UBE2J1: variants seen among roughly 807,000 people sequenced by gnomAD.
UBE2J1 encodes the protein ubiquitin conjugating enzyme E2 J1.
In UBE2J1, 17 loss-of-function variants were observed where a neutral mutation model predicts 42.1. The ratio of observed to expected loss-of-function variants is 0.40; its 90% CI spans 0.28 to 0.61. UBE2J1 has a LOEUF of 0.61. Ranked by LOEUF, UBE2J1 falls within the 20% of genes least tolerant of loss-of-function variation. UBE2J1 has a pLI of 0.38. For missense variants in UBE2J1, 291 were observed against 389.4 expected (o/e 0.75, Z 2.13); for synonymous variants, 127 against 137.2 (o/e 0.93, Z 0.52).
At chr6:89,344,749 C>T (rs553446445) in intron 1 of UBE2J1, among the ~76,000 whole-genome samples, 1 of 152,310 alleles carries the variant, frequency 6.6e-6, no homozygotes, top group South Asian at 2.1e-4. Flanking sequence ...GATTATTTCC[C>T]ACCTAGTCTA....
chr6:89,342,120 T>C (rs1768256562), intron 3 of UBE2J1, among the ~76,000 whole-genome samples: 1 of 152,222 alleles, frequency 6.6e-6, no homozygotes, highest in Admixed American at 6.5e-5. Context: ...CATTTATGCA[T>C]TCAGTTGTAT....
At chr6:89,343,325 T>C (rs1285724946) in intron 2 of UBE2J1, among the ~76,000 whole-genome samples, 2 of 150,976 alleles carry the variant, frequency 1.3e-5, no homozygotes, top group Admixed American at 6.6e-5. Flanking sequence ...ATCCCAGCTA[T>C]TCAGGAGGCT....
intron 7 of UBE2J1, among the ~76,000 whole-genome samples, chr6:89,331,601 A>G (rs755335334): frequency 7.2e-5 from 11 of 152,228 alleles, no homozygotes; most frequent in Non-Finnish European, 8.8e-5. Context: ...AGAAGCGGAA[A>G]GAGACCCCTG....
At chr6:89,333,981 C>T (rs76850332) in intron 6 of UBE2J1, among the ~76,000 whole-genome samples, 2,644 of 152,088 alleles carry the variant, frequency 0.017, 84 homozygotes, top group African/African-American at 0.061. Flanking sequence ...TAATACTTTA[C>T]GTCTGTATGT....
intron 1 of UBE2J1, among the ~76,000 whole-genome samples, chr6:89,348,353 C>G (rs1768401667): frequency 6.6e-6 from 1 of 152,228 alleles, no homozygotes; most frequent in Admixed American, 6.5e-5. Flanking sequence ...GGCTAGCTCA[C>G]TAGCCTCACA....
In UBE2J1 at chr6:89,327,365, G is replaced by A. The variant is rs542857048; in HGVS notation, c.*2314C>T. On this transcript the variant is annotated 3_prime_UTR_variant, in exon 8 of 8. Coordinates refer to ENST00000435041, the MANE Select transcript of UBE2J1 (RefSeq NM_016021.3). The stretch of plus-strand genomic sequence containing the variant: ...TGTATGCTGGAATTAAGGAGTTAAA[G>A]TAGGGCTTTAAAGATAATAGTTTTC... The A allele has an allele frequency of 9.2e-5, 14 of 152,266 alleles. No homozygotes were observed. The highest frequency in any genetic ancestry group is 1.6e-4 in the Non-Finnish European group (11 of 68,006). 9.4% of individuals were successfully genotyped at this position (152,266 alleles called of 1,614,324 possible).
intron 3 of UBE2J1, 61 bp from the exon 4 acceptor site, chr6:89,338,604 G>A (rs1768156635): frequency 1.2e-5 from 7 of 588,788 alleles, no homozygotes; most frequent in Non-Finnish European, 1.7e-5. Flanking sequence ...TATACTTTCT[G>A]TAAAAATATA....
At chr6:89,340,422 A>G (rs1334873889) in intron 3 of UBE2J1, among the ~76,000 whole-genome samples, 1 of 152,132 alleles carries the variant, frequency 6.6e-6, no homozygotes, top group East Asian at 1.9e-4. Flanking sequence ...AGCTCTCCCC[A>G]TGATCTAGCA....
intron 2 of UBE2J1, among the ~76,000 whole-genome samples, chr6:89,342,712 T>C (rs1768271891): frequency 6.6e-6 from 1 of 152,194 alleles, no homozygotes; most frequent in South Asian, 2.1e-4. Context: ...TGAGTGTTGT[T>C]ATATATTCAT....
intron 5 of UBE2J1, among the ~76,000 whole-genome samples, chr6:89,336,048 A>T (rs1768101352): frequency 6.6e-6 from 1 of 152,214 alleles, no homozygotes; most frequent in Non-Finnish European, 1.5e-5. Flanking sequence ...TTCCAGATAT[A>T]GTCAAAACTT....
Position 89,329,788 on chromosome 6 carries a change from T to A in UBE2J1, c.848A>T (p.Asp283Val), listed in dbSNP as rs1482390343. 1 of 1,614,120 alleles carries A rather than the reference T, an allele frequency of 6.2e-7. No homozygotes were observed. The highest frequency in any genetic ancestry group is 8.5e-7 in the Non-Finnish European group (1 of 1,180,006). Residue 283 changes from aspartate (D) to valine (V), a missense_variant, in exon 8 of 8, where the codon GAT becomes GTT. Physicochemically the swap from Asp to Val is radical, Grantham distance 152. This residue lies in a region of UBE2J1 where 176 missense variants were observed against 196.3 expected (regional missense o/e 0.90). Coordinates refer to ENST00000435041, the MANE Select transcript of UBE2J1 (RefSeq NM_016021.3). ...QGHQPRDNHTDHGGSAVLIVI... is the reference protein window; with the variant it reads ...QGHQPRDNHTVHGGSAVLIVI... Reference sequence around the variant, plus strand: ...AATCAGTACAGCTGACCCACCATGATCAGTGTGGTTGTCTCTTGGCTGGTG... The same window carrying A: ...AATCAGTACAGCTGACCCACCATGAACAGTGTGGTTGTCTCTTGGCTGGTG...
rs532784187 is a variant in UBE2J1 at position 89,331,537 on chromosome 6, C to T, written c.678+1549G>A. ...TTCATTCATTCAATCAACAAACAAA[C>T]ATTGGCAATCTACTATATAGAAGGC... On this transcript the variant is annotated intron_variant, in intron 7 of 7. Coordinates refer to ENST00000435041, the MANE Select transcript of UBE2J1 (RefSeq NM_016021.3). 3.2e-4 allele frequency among the ~76,000 whole-genome samples: 48 copies of T among 152,284 alleles called. 1 individual carries two copies. The highest frequency in any genetic ancestry group is 1.2e-3 in the Admixed American group (18 of 15,290).
In UBE2J1 at chr6:89,351,243, G is replaced by T. The variant is rs559871448; in HGVS notation, c.31+1296C>A. ...ACAGGAGTGCGCCACCACCATGCCC[G>T]GCTGATTTTTGTGTTTTTAGTAGAG... On this transcript the variant is annotated intron_variant, in intron 1 of 7. Coordinates refer to ENST00000435041, the MANE Select transcript of UBE2J1 (RefSeq NM_016021.3). Among the ~76,000 whole-genome samples the T allele has an allele frequency of 2.6e-5, 4 of 151,574 alleles. No homozygotes were observed. In the East Asian group the frequency reaches 7.8e-4, roughly 29 times the overall value.
At chr6:89,337,226 CTTTT>C (rs202105618) in intron 5 of UBE2J1, among the ~76,000 whole-genome samples, 10 of 136,006 alleles carry the variant, frequency 7.4e-5, no homozygotes, top group Admixed American at 1.5e-4. Flanking sequence ...AACTCCAGTT[CTTTT>C]TTTTTTTTTT....
In UBE2J1 at chr6:89,338,518, T is replaced by C; in HGVS notation, c.263A>G (p.Lys88Arg). Residue 88 changes from lysine to arginine, a missense_variant, in exon 4 of 8, where the codon AAG (lysine) becomes AGG (arginine). Lys to Arg is a conservative substitution (Grantham distance 26). Transcript: ENST00000435041. Reference sequence around the variant, plus strand: ...GCCTGAGATGCTCAAACAGATTTTCTTGCCCACTTCAAATCGACCATTAGC... The same window carrying C: ...GCCTGAGATGCTCAAACAGATTTTCCTGCCCACTTCAAATCGACCATTAGC... Reference protein sequence around the residue: ...LTANGRFEVGKKICLSISGHH... With the variant: ...LTANGRFEVGRKICLSISGHH... The C allele has an allele frequency of 1.9e-6, 3 of 1,590,514 alleles. No homozygotes were observed. The highest frequency in any genetic ancestry group is 2.6e-6 in the Non-Finnish European group (3 of 1,173,484).
intron 1 of UBE2J1, among the ~76,000 whole-genome samples, chr6:89,347,107 G>A (rs544197512): frequency 2.6e-5 from 4 of 152,218 alleles, no homozygotes; most frequent in Admixed American, 6.5e-5. Context: ...ACCCCAACAG[G>A]TGAAACAAAA....
At chr6:89,336,857 T>G (rs1562414887) in intron 5 of UBE2J1, among the ~76,000 whole-genome samples, 1 of 151,964 alleles carries the variant, frequency 6.6e-6, no homozygotes, top group Admixed American at 6.6e-5. Flanking sequence ...TTTTTTTTTT[T>G]GAGACAAGGT....
intron 1 of UBE2J1, among the ~76,000 whole-genome samples, chr6:89,352,246 C>T (rs1768498536): frequency 6.6e-6 from 1 of 152,222 alleles, no homozygotes; most frequent in Admixed American, 6.5e-5. Flanking sequence ...ACCTTTACAC[C>T]TGTTCTCAGG....
chr6:89,338,820 C>T (rs1347155819), intron 3 of UBE2J1, among the ~76,000 whole-genome samples: 2 of 151,916 alleles, frequency 1.3e-5, no homozygotes, highest in Non-Finnish European at 1.5e-5. Flanking sequence ...CGCCTGCCAC[C>T]AGGCCTGGCT....
Sources: allele counts gnomAD v4.1 joint callset (sites outside exome capture counted in the v4.1 genomes callset), GRCh38; gene constraint gnomAD v4.1.1; regional missense constraint gnomAD v4.1.1; transcripts MANE v1.5; gene names NCBI Gene and HGNC (gene_info 2026-07-23, HGNC 2026-07-21).